The following PRKN variants were observed in gnomAD, a reference collection of about 807,000 sequenced individuals.
The protein encoded by PRKN is E3 ubiquitin-protein ligase parkin.
PRKN carries 56 observed loss-of-function variants against 59.5 expected under a neutral mutation model. That is an observed-to-expected ratio of 0.94 (90% CI 0.76 to 1.18). The LOEUF (loss-of-function observed/expected upper bound fraction) is 1.18. Ranked by LOEUF, PRKN falls within the 50% of genes most tolerant of loss-of-function variation. PRKN has a pLI of 0.00. For missense variants in PRKN, 657 were observed against 596.4 expected (o/e 1.10, Z -1.06); for synonymous variants, 250 against 222.1 (o/e 1.13, Z -1.12).
intron 3 of PRKN, among the ~76,000 whole-genome samples, chr6:162,260,777 G>A (rs751172187): frequency 6.6e-6 from 1 of 152,046 alleles, no homozygotes; most frequent in South Asian, 2.1e-4. Flanking sequence ...ATAAGTAAAG[G>A]TTTAATTTTG....
In PRKN at chr6:161,518,617, CCCTAGCAGCACAAGCCCAGCCTCCG is replaced by C. The variant is rs1196644922; in HGVS notation, c.1083+30212_1083+30236del. On this transcript the variant is annotated intron_variant, in intron 9 of 11. Coordinates refer to ENST00000366898, the MANE Select transcript of PRKN (RefSeq NM_004562.3). The surrounding 1 kb of genome is among the most constrained non-coding windows in gnomAD (Gnocchi z 5.0). ...GTTCAATGTTAATGCCACGGCCTCC[CCCTAGCAGCACAAGCCCAGCCTCCG>C]CTCACCCAGCCCCCTAGTGAGGTGA... Among the ~76,000 whole-genome samples, 2 of 152,214 alleles carry C rather than the reference CCCTAGCAGCACAAGCCCAGCCTCCG, an allele frequency of 1.3e-5. No individual in the cohort carries two copies. Among genetic ancestry groups the C allele is most frequent in the Admixed American group, 6.5e-5 (1 of 15,284 alleles).
At chr6:162,207,396 G>C (rs753096351) in intron 3 of PRKN, among the ~76,000 whole-genome samples, 2 of 151,942 alleles carry the variant, frequency 1.3e-5, no homozygotes, top group African/African-American at 2.4e-5. Context: ...AAAAAGATGG[G>C]GATAACGACC....
Position 161,497,554 on chromosome 6 carries a change from G to C in PRKN, c.1083+51300C>G, listed in dbSNP as rs1005646363. ...CTGTGTGTGTGCACAGTGCTTACAT[G>C]TCTCTCTCTCTCTCTCTCTCTCTCA... On this transcript the variant is annotated intron_variant, in intron 9 of 11. Transcript: ENST00000366898. This position sits in a 1 kb window ranked among gnomAD's most constrained non-coding sequence, Gnocchi z 4.6. Among the ~76,000 whole-genome samples, 251 of 148,696 alleles carry C rather than the reference G, an allele frequency of 1.7e-3. No individual in the cohort carries two copies. Among genetic ancestry groups the C allele is most frequent in the African/African-American group, 5.9e-3 (238 of 40,198 alleles).
chr6:161,606,399 T>G (rs183924929), intron 7 of PRKN, among the ~76,000 whole-genome samples: 2 of 152,164 alleles, frequency 1.3e-5, no homozygotes, highest in African/African-American at 4.8e-5. Flanking sequence ...GTTTCCAATT[T>G]TGACCAGTAG....
chr6:162,495,405 ATTAAG>A (rs1793014870), intron 1 of PRKN, among the ~76,000 whole-genome samples: 1 of 152,122 alleles, frequency 6.6e-6, no homozygotes, highest in African/African-American at 2.4e-5. Context: ...TTGAAATGGT[ATTAAG>A]TTGTGTCCAA....
At chr6:162,117,289 G>A (rs1188332663) in intron 4 of PRKN, among the ~76,000 whole-genome samples, 1 of 152,194 alleles carries the variant, frequency 6.6e-6, no homozygotes, top group East Asian at 1.9e-4. Context: ...CCAAGTGGGA[G>A]TCATGTTCAG....
intron 2 of PRKN, among the ~76,000 whole-genome samples, chr6:162,409,505 G>C (rs144991410): frequency 4.0e-4 from 61 of 152,110 alleles, no homozygotes; most frequent in African/African-American, 1.5e-3. Flanking sequence ...ATGCACTTTT[G>C]CATGATTATC....
At chr6:161,948,925 A>G (rs2128245371) in intron 6 of PRKN, among the ~76,000 whole-genome samples, 1 of 152,316 alleles carries the variant, frequency 6.6e-6, no homozygotes. Context: ...AGTCGCAGGA[A>G]GCTTTTTGGG....
intron 7 of PRKN, among the ~76,000 whole-genome samples, chr6:161,756,490 ATTT>A (rs1378586724): frequency 7.0e-6 from 1 of 142,514 alleles, no homozygotes; most frequent in Non-Finnish European, 1.5e-5. Flanking sequence ...TCAGCTTTTA[ATTT>A]TTATTGCTGT....
chr6:161,620,815 T>G (rs1481139461), intron 7 of PRKN, among the ~76,000 whole-genome samples: 1 of 152,228 alleles, frequency 6.6e-6, no homozygotes, highest in African/African-American at 2.4e-5. Context: ...TGGCAAGCAC[T>G]GGGCCAGAGA....
intron 2 of PRKN, among the ~76,000 whole-genome samples, chr6:162,376,502 A>G (rs1241526082): frequency 2.0e-5 from 3 of 151,212 alleles, no homozygotes; most frequent in African/African-American, 7.3e-5. Flanking sequence ...TGCAAAGATG[A>G]CCCTACTCTC....
intron 6 of PRKN, among the ~76,000 whole-genome samples, chr6:161,844,555 C>A (rs1215566103): frequency 6.6e-6 from 1 of 152,186 alleles, no homozygotes; most frequent in Non-Finnish European, 1.5e-5. Flanking sequence ...GCTGTTGAAC[C>A]ACAACTGAGG....
intron 6 of PRKN, among the ~76,000 whole-genome samples, chr6:161,874,228 T>TATGTAAA (rs1794523719): frequency 1.0e-4 from 3 of 29,122 alleles, no homozygotes; most frequent in Non-Finnish European, 1.9e-4. Flanking sequence ...ATATATATTA[T>TATGTAAA]ATATAATATA....
chr6:162,645,988 C>A (rs889835888), intron 1 of PRKN, among the ~76,000 whole-genome samples: 9 of 151,322 alleles, frequency 5.9e-5, no homozygotes, highest in African/African-American at 2.2e-4. Flanking sequence ...CACTCTCCTG[C>A]CTCAGCCTCC....
At chr6:161,611,478 C>T (rs924350699) in intron 7 of PRKN, among the ~76,000 whole-genome samples, 1 of 152,190 alleles carries the variant, frequency 6.6e-6, no homozygotes, top group African/African-American at 2.4e-5. Flanking sequence ...CTATTTCAAA[C>T]TTTTTTGTCA....
rs1467912811 is a variant in PRKN, at chr6:161,504,620, C to A, written c.1083+44234G>T. 1.3e-5 allele frequency among the ~76,000 whole-genome samples: 2 copies of A among 151,702 alleles called. 1 individual carries two copies. The highest frequency in any genetic ancestry group is 2.9e-5 in the Non-Finnish European group (2 of 67,946). On this transcript the variant is annotated intron_variant, in intron 9 of 11. Coordinates refer to ENST00000366898, the MANE Select transcript of PRKN (RefSeq NM_004562.3). ...ACATGTGACATGCTGGTGCGCTGCA[C>A]CCACCAACTTGTCATCTAGCATTAG...
chr6:162,481,956 C>T (rs937318449), intron 1 of PRKN, among the ~76,000 whole-genome samples: 1 of 152,076 alleles, frequency 6.6e-6, no homozygotes, highest in African/African-American at 2.4e-5. Flanking sequence ...GAAAAAAATA[C>T]CAAAGGAGTA....
rs117170459 is a variant in PRKN at position 162,253,025 on chromosome 6, C to T, written c.412+9500G>A. Among the ~76,000 whole-genome samples the T allele has an allele frequency of 5.2e-3, 794 of 152,354 alleles. 3 individuals carry two copies. Among genetic ancestry groups the T allele is most frequent in the Non-Finnish European group, 7.0e-3 (474 of 68,040 alleles). ...CTGCTTCCTGGAGCCTGCCTTCCAG[C>T]GGGCAGCCTACCACCTGCGTGTGCT... On this transcript the variant is annotated intron_variant, in intron 3 of 11. Transcript: ENST00000366898.
chr6:161,812,520 GT>G (rs1791606238), intron 6 of PRKN, among the ~76,000 whole-genome samples: 1 of 152,108 alleles, frequency 6.6e-6, no homozygotes, highest in African/African-American at 2.4e-5. Context: ...AAAACTTACA[GT>G]TTAGTATTAA....
Sources: allele counts gnomAD v4.1 joint callset (sites outside exome capture counted in the v4.1 genomes callset), GRCh38; gene constraint gnomAD v4.1.1; non-coding constraint Gnocchi (gnomAD v3.1); transcripts MANE v1.5; gene names NCBI Gene and HGNC (gene_info 2026-07-23, HGNC 2026-07-21).